Variants in KIF26B observed in about 807,000 individuals in gnomAD.
The protein encoded by KIF26B is kinesin family member 26B, also known as kinesin-like protein KIF26B.
In KIF26B, 63 loss-of-function variants were observed where a neutral mutation model predicts 151.2. That is an observed-to-expected ratio of 0.42 (90% CI 0.34 to 0.51). KIF26B has a LOEUF of 0.51. KIF26B is among the 20% of genes least tolerant of loss of function. The pLI, the probability that KIF26B is intolerant of heterozygous loss-of-function variation, is 0.07. For synonymous variants in KIF26B, 1,357 were observed against 1,262.1 expected (o/e 1.08, Z -1.59); for missense variants, 2,813 against 2,913.6 (o/e 0.97, Z 0.79).
intron 4 of KIF26B, among the ~76,000 whole-genome samples, chr1:245,497,629 C>T (rs563714077): frequency 6.6e-6 from 1 of 152,134 alleles, no homozygotes; most frequent in Non-Finnish European, 1.5e-5. Flanking sequence ...GCTAACTAAC[C>T]ACTCACCCCT....
chr1:245,209,131 G>A (rs1396832281), intron 2 of KIF26B, among the ~76,000 whole-genome samples: 2 of 152,218 alleles, frequency 1.3e-5, no homozygotes, highest in East Asian at 1.9e-4. Flanking sequence ...CAGGCGCAGT[G>A]GCTCACGCTT....
intron 10 of KIF26B, among the ~76,000 whole-genome samples, chr1:245,669,807 C>T (rs1428892914): frequency 6.6e-6 from 1 of 152,064 alleles, no homozygotes; most frequent in Non-Finnish European, 1.5e-5. Context: ...TCACATGGTC[C>T]AGCAATTCCA....
At chr1:245,695,586 A>C (rs2044682309) in intron 12 of KIF26B, among the ~76,000 whole-genome samples, 1 of 152,102 alleles carries the variant, frequency 6.6e-6, no homozygotes, top group South Asian at 2.1e-4. Flanking sequence ...ACCACACCTA[A>C]CCTGACAGTG....
chr1:245,627,906 A>T (rs1413348966), intron 9 of KIF26B, among the ~76,000 whole-genome samples: 1 of 152,188 alleles, frequency 6.6e-6, no homozygotes, highest in African/African-American at 2.4e-5. Flanking sequence ...TCCTGGACAC[A>T]TACACCCTCC....
At chr1:245,578,554 G>A (rs77092759) in intron 5 of KIF26B, among the ~76,000 whole-genome samples, 12,940 of 152,192 alleles carry the variant, frequency 0.085, 647 homozygotes, top group African/African-American at 0.13. Flanking sequence ...ATGCCCCCAG[G>A]GTATTGCCAC....
intron 2 of KIF26B, among the ~76,000 whole-genome samples, chr1:245,205,922 GA>G (rs1296916387): frequency 7.9e-6 from 1 of 126,010 alleles, no homozygotes; most frequent in Admixed American, 1.0e-4. Context: ...TTTTTTTAAA[GA>G]GATGGGGTCT....
At chr1:245,321,619 AT>A (rs1261149611) in intron 2 of KIF26B, among the ~76,000 whole-genome samples, 1 of 152,228 alleles carries the variant, frequency 6.6e-6, no homozygotes, top group Admixed American at 6.5e-5. Context: ...ATCCATTGAG[AT>A]GGAGAACACC....
chr1:245,243,970 C>T, intron 2 of KIF26B, among the ~76,000 whole-genome samples: 1 of 152,146 alleles, frequency 6.6e-6, no homozygotes, highest in East Asian at 1.9e-4. Flanking sequence ...GACAGGGTCT[C>T]ACTCTGATGT....
Position 245,304,865 on chromosome 1 carries a change from C to A in KIF26B, c.466-61969C>A, listed in dbSNP as rs528035803. On this transcript the variant is annotated intron_variant, in intron 2 of 14. Transcript: ENST00000407071. ...AGACCAAGTGACAGAACGAGACAGA[C>A]CCATCTTTAAAAAAAAAAATGATTA... Among the ~76,000 whole-genome samples the A allele has an allele frequency of 7.9e-5, 12 of 151,918 alleles. No homozygotes were observed. In the East Asian group the frequency reaches 1.7e-3, roughly 22 times the overall value.
chr1:245,396,850 A>G (rs891910077), intron 3 of KIF26B, among the ~76,000 whole-genome samples: 1 of 152,188 alleles, frequency 6.6e-6, no homozygotes, highest in African/African-American at 2.4e-5. Context: ...AGGAGTTGTG[A>G]AATACATGAT....
intron 2 of KIF26B, among the ~76,000 whole-genome samples, chr1:245,232,689 C>T (rs1342029201): frequency 6.6e-6 from 1 of 151,894 alleles, no homozygotes; most frequent in Non-Finnish European, 1.5e-5. Flanking sequence ...TAGCTGGGAT[C>T]ACAGGCATGA....
intron 4 of KIF26B, among the ~76,000 whole-genome samples, chr1:245,503,262 A>G (rs1158896585): frequency 2.0e-5 from 3 of 152,288 alleles, no homozygotes; most frequent in African/African-American, 7.2e-5. Context: ...TAGCTAATTA[A>G]TATATAGATT....
At chr1:245,363,644 G>A (rs1336355689) in intron 2 of KIF26B, among the ~76,000 whole-genome samples, 8 of 152,194 alleles carry the variant, frequency 5.3e-5, no homozygotes, top group Non-Finnish European at 1.0e-4. Context: ...GTGTGGATAA[G>A]CACTTGATTT....
At position 245,207,205 on chromosome 1, in the gene KIF26B, G is replaced by A. The variant is rs1558345097; in HGVS notation, c.465+50522G>A. 2.6e-5 allele frequency among the ~76,000 whole-genome samples: 4 copies of A among 152,134 alleles called. No homozygotes were observed. The South Asian group carries it at 6.2e-4, about 24-fold the overall frequency. ...CAAAGCTAGGAGTCACAAGGAGAAC[G>A]AGCACTCAAAAAAGAGATTTCTCAG... On this transcript the variant is annotated intron_variant, in intron 2 of 14. Coordinates refer to ENST00000407071, the MANE Select transcript of KIF26B (RefSeq NM_018012.4).
intron 9 of KIF26B, among the ~76,000 whole-genome samples, chr1:245,616,084 T>G (rs1024356709): frequency 6.6e-6 from 1 of 152,192 alleles, no homozygotes; most frequent in African/African-American, 2.4e-5. Flanking sequence ...TTTTATACAT[T>G]TTACACACAA....
At chr1:245,178,265 A>G (rs375106920) in intron 2 of KIF26B, among the ~76,000 whole-genome samples, 1 of 152,138 alleles carries the variant, frequency 6.6e-6, no homozygotes, top group Non-Finnish European at 1.5e-5. Context: ...TTCAAGCACA[A>G]CCGTATATCC....
chr1:245,190,602 A>G (rs960058342), intron 2 of KIF26B, among the ~76,000 whole-genome samples: 2 of 143,150 alleles, frequency 1.4e-5, no homozygotes, highest in Non-Finnish European at 3.0e-5. Context: ...TACATAGGAC[A>G]TCTTTTCCTA....
At chr1:245,344,926 T>G (rs1310940814) in intron 2 of KIF26B, among the ~76,000 whole-genome samples, 1 of 152,030 alleles carries the variant, frequency 6.6e-6, no homozygotes, top group Non-Finnish European at 1.5e-5. Flanking sequence ...TCCCCCGGCT[T>G]CAGTTGAGTT....
intron 12 of KIF26B, among the ~76,000 whole-genome samples, chr1:245,690,308 C>G (rs1229796512): frequency 6.6e-6 from 1 of 152,238 alleles, no homozygotes. Flanking sequence ...CTGTGCAACA[C>G]TAGGCTCTTC....
Sources: gnomAD v4.1 joint callset for allele counts (sites outside exome capture counted in the v4.1 genomes callset) on GRCh38, gnomAD v4.1.1 for gene constraint, MANE v1.5 for transcripts, NCBI Gene and HGNC (gene_info 2026-07-23, HGNC 2026-07-21) for gene names.